Variants in MAGEB2 observed in about 807,000 individuals in gnomAD.
The protein encoded by MAGEB2 is melanoma-associated antigen B2.
For missense variants in MAGEB2, 365 were observed against 243.2 expected, an observed-to-expected ratio of 1.50 and a Z score of -3.33; for synonymous variants, 107 against 96.2, an observed-to-expected ratio of 1.11 and a Z score of -0.66.
chrX:30,217,878 C>A (rs1288776348), intron 1 of MAGEB2, among the ~76,000 whole-genome samples: 2 of 112,094 alleles, frequency 1.8e-5, no homozygotes, highest in Non-Finnish European at 3.8e-5. Context: ...ATTTTCAGCC[C>A]TAGAAAGCTC....
chrX:30,215,811 G>A (rs1924381175), intron 1 of MAGEB2, among the ~76,000 whole-genome samples, 156 bp downstream of exon 1: 1 of 97,595 alleles, frequency 1.0e-5, no homozygotes, highest in Non-Finnish European at 2.1e-5. Flanking sequence ...AGGGTGGGGG[G>A]AGGGGCAGTC....
At position 30,219,167 on chromosome X, in the gene MAGEB2, G is replaced by C. The variant is rs748764119; in HGVS notation, c.587G>C (p.Trp196Ser). ...LTDEESLLSS[W>S]DFPRRKLLMP... ...GATGAGGAATCCCTGCTCAGTTCCT[G>C]GGACTTTCCCAGGAGAAAGCTTCTG... is the stretch of plus-strand genomic sequence containing the variant. Residue 196 changes from tryptophan (W) to serine (S), a missense_variant, in exon 2 of 2, where the codon TGG (tryptophan) becomes TCG (serine). Physicochemically the swap from Trp to Ser is radical, Grantham distance 177. Transcript: ENST00000378988. The C allele has an allele frequency of 1.7e-6, 2 of 1,210,769 alleles. No individual in the cohort carries two copies. Among genetic ancestry groups the C allele is most frequent in the East Asian group, 5.9e-5 (2 of 33,801 alleles).
At position 30,218,633 on chromosome X, in the gene MAGEB2, C is replaced by T; in HGVS notation, c.53C>T (p.Ala18Val). 8 of 1,211,088 alleles carry T rather than the reference C, an allele frequency of 6.6e-6. No individual in the cohort carries two copies. The highest frequency in any genetic ancestry group is 8.9e-6 in the Non-Finnish European group (8 of 895,154). The change falls in exon 2 of 2, where the codon GCC becomes GTC. Residue 18 changes from alanine (A) to valine (V), a missense_variant. Transcript: ENST00000378988. The stretch of plus-strand genomic sequence containing the variant: ...CGTGCCCGTGAGAAACGCCGCAAGG[C>T]CCGAGATGAGACCCGGGGTCTCAAT... ...KLRAREKRRK[A>V]RDETRGLNVP...
intron 1 of MAGEB2, among the ~76,000 whole-genome samples, chrX:30,216,260 A>G (rs772974183): frequency 3.6e-5 from 4 of 111,900 alleles, no homozygotes; most frequent in Non-Finnish European, 7.5e-5. Flanking sequence ...AAAGAAGTTG[A>G]GGGCTACATC....
intron 1 of MAGEB2, among the ~76,000 whole-genome samples, chrX:30,216,088 C>T (rs749754445): frequency 9.0e-6 from 1 of 110,579 alleles, no homozygotes; most frequent in South Asian, 4.0e-4. Flanking sequence ...CAACCTAAAA[C>T]CTAACTGGGG....
chrX:30,218,933 T>C lies in MAGEB2; in HGVS notation c.353T>C (p.Leu118Ser), dbSNP rs1039947944. 2.5e-6 allele frequency: 3 copies of C among 1,210,829 alleles called. No homozygotes were observed. The highest frequency in any genetic ancestry group is 3.4e-6 in the Non-Finnish European group (3 of 894,858). The change falls in exon 2 of 2, where the codon TTG (leucine) becomes TCG (serine). Residue 118 changes from leucine (L) to serine (S), a missense_variant. By Grantham distance (145) the Leu-to-Ser change is moderately radical. Coordinates refer to ENST00000378988, the MANE Select transcript of MAGEB2 (RefSeq NM_002364.5). ...EDPLTRKSGS[L>S]VQFLLYKYKI... Reference sequence around the variant, plus strand: ...CCTCTAACCAGGAAGTCAGGGTCGTTGGTGCAGTTCCTGTTGTACAAGTAT... The same window carrying C: ...CCTCTAACCAGGAAGTCAGGGTCGTCGGTGCAGTTCCTGTTGTACAAGTAT...
rs1266658935 is a variant in MAGEB2, at chrX:30,218,757, C to T, written c.177C>T (p.Pro59=). The change falls in exon 2 of 2, where the codon CCC becomes CCT. Residue 59 remains proline, a synonymous_variant. Transcript: ENST00000378988. ...CAAGCTCTCCTGCTGCTGGCATTCC[C>T]CAGGAGCCTCAGAGAGCCCCAACCA... The part of the protein sequence containing the change: ...AASSSPAAGI[P]QEPQRAPTTA... 8.4e-7 allele frequency: 1 copy of T among 1,191,564 alleles called. No individual in the cohort carries two copies. The highest frequency in any genetic ancestry group is 1.8e-5 in the African/African-American group (1 of 56,668).
At position 30,219,349 on chromosome X, in the gene MAGEB2, T is replaced by TA; in HGVS notation, c.770dup (p.Tyr257Ter). The TA allele has an allele frequency of 8.3e-7, 1 of 1,211,056 alleles. No homozygotes were observed. The highest frequency in any genetic ancestry group is 1.1e-6 in the Non-Finnish European group (1 of 895,283). The change falls in exon 2 of 2, where the codon TAT (tyrosine) becomes TAAT (stop). Residue 257 changes from tyrosine to a stop codon, truncating the protein, a stop_gained and frameshift_variant. Coordinates refer to ENST00000378988, the MANE Select transcript of MAGEB2 (RefSeq NM_002364.5). LOFTEE classifies it low-confidence loss of function (END_TRUNC). ...LITKDLVQEK[Y>*]LEYKQVPSSD... ...CACCAAAGATCTGGTGCAGGAAAAA[T>TA]ATCTGGAGTACAAGCAGGTGCCCAG...
Position 30,219,152 on chromosome X carries a change from C to T in MAGEB2, c.572C>T (p.Ser191Phe), listed in dbSNP as rs1246993608. ...IDKVDLTDEE[S>F]LLSSWDFPRR... The stretch of plus-strand genomic sequence containing the variant: ...AAGGTAGACCTCACTGATGAGGAAT[C>T]CCTGCTCAGTTCCTGGGACTTTCCC... The change falls in exon 2 of 2, where the codon TCC becomes TTC. Residue 191 changes from serine to phenylalanine, a missense_variant. By Grantham distance (155) the Ser-to-Phe change is radical. Coordinates refer to ENST00000378988, the MANE Select transcript of MAGEB2 (RefSeq NM_002364.5). 1 of 1,210,612 alleles carries T rather than the reference C, an allele frequency of 8.3e-7. No homozygotes were observed. The highest frequency in any genetic ancestry group is 2.2e-5 in the Admixed American group (1 of 45,993).
At chrX:30,216,863 C>T (rs1203561923) in intron 1 of MAGEB2, among the ~76,000 whole-genome samples, 2 of 85,983 alleles carry the variant, frequency 2.3e-5, no homozygotes, top group Admixed American at 1.4e-4. Context: ...CCGGCCTAGG[C>T]GAAAGGGCGA....
At position 30,219,168 on chromosome X, in the gene MAGEB2, G is replaced by A. The variant is rs770996632; in HGVS notation, c.588G>A (p.Trp196Ter). The change falls in exon 2 of 2, where the codon TGG becomes TGA. Residue 196 changes from tryptophan (W) to a stop codon, truncating the protein, a stop_gained. Transcript: ENST00000378988. LOFTEE classifies it low-confidence loss of function (END_TRUNC). ...ATGAGGAATCCCTGCTCAGTTCCTG[G>A]GACTTTCCCAGGAGAAAGCTTCTGA... ...LTDEESLLSS[W>*]DFPRRKLLMP... is the part of the protein sequence containing the mutation. 3 of 1,210,621 alleles carry A rather than the reference G, an allele frequency of 2.5e-6. No homozygotes were observed. In the Admixed American group the frequency reaches 6.5e-5, roughly 26 times the overall value.
In MAGEB2 at chrX:30,219,650, T is replaced by A; in HGVS notation, c.*110T>A. ...TGAGGTCTTAGGCAGATTCTTTACT[T>A]TGTAATTCAAAAGGCCTGTTAACCT... On this transcript the variant is annotated 3_prime_UTR_variant, in exon 2 of 2. Transcript: ENST00000378988. 1.4e-6 allele frequency: 1 copy of A among 711,989 alleles called. No homozygotes were observed. Among genetic ancestry groups the A allele is most frequent in the Non-Finnish European group, 2.0e-6 (1 of 495,121 alleles). The allele number at this position is 711,989 out of a possible 1,213,427, so 58.7% of individuals were successfully genotyped here.
At position 30,216,907 on chromosome X, in the gene MAGEB2, C is replaced by T. The variant is rs190651609; in HGVS notation, c.-6+1252C>T. Among the ~76,000 whole-genome samples, 28 of 73,138 alleles carry T rather than the reference C, an allele frequency of 3.8e-4. No individual in the cohort carries two copies. In the East Asian group the frequency reaches 7.1e-3, roughly 19 times the overall value. 63.5% of individuals were successfully genotyped at this position (73,138 alleles called of 115,157 possible). ...CTCTTAAAAAAAAAAAAAAAAAAGG[C>T]AGCTTGAGGTCAGCAGAGGGAGGGT... is the stretch of plus-strand genomic sequence containing the variant. On this transcript the variant is annotated intron_variant, in intron 1 of 1. Transcript: ENST00000378988.
In MAGEB2 at chrX:30,219,691, A is replaced by C. The variant is rs1924516884; in HGVS notation, c.*151A>C. The C allele has an allele frequency of 2.3e-6, 1 of 436,259 alleles. No individual in the cohort carries two copies. 36.0% of individuals were successfully genotyped at this position (436,259 alleles called of 1,213,427 possible). On this transcript the variant is annotated 3_prime_UTR_variant, in exon 2 of 2. Transcript: ENST00000378988. ...CTGTTAACCTTTGTTCTTGTTATGC[A>C]TGAATAACTTGTTGACTTTTTTTTT...
chrX:30,216,103 G>A (rs1478343307), intron 1 of MAGEB2, among the ~76,000 whole-genome samples: 2 of 111,374 alleles, frequency 1.8e-5, no homozygotes, highest in Non-Finnish European at 3.8e-5. Context: ...CTGGGGTTAA[G>A]GTGAGGACTC....
Position 30,219,848 on chromosome X carries a change from CTTA to C in MAGEB2, c.*312_*314del, listed in dbSNP as rs1924523424. ...GTGTTTTGTTTTTTGAGTGAAACAA[CTTA>C]TTAATAAAAATCCTTAAATCACTTT... is the stretch of plus-strand genomic sequence containing the variant. On this transcript the variant is annotated 3_prime_UTR_variant, in exon 2 of 2. Coordinates refer to ENST00000378988, the MANE Select transcript of MAGEB2 (RefSeq NM_002364.5). The C allele has an allele frequency of 5.4e-6, 1 of 183,772 alleles. No individual in the cohort carries two copies. The highest frequency in any genetic ancestry group is 1.1e-5 in the Non-Finnish European group (1 of 92,559). The allele number at this position is 183,772 out of a possible 1,213,427, so 15.1% of individuals were successfully genotyped here.
rs1313737179 is a variant in MAGEB2, at chrX:30,219,460, A to G, written c.880A>G (p.Lys294Glu). The G allele has an allele frequency of 2.5e-6, 3 of 1,211,466 alleles. No individual in the cohort carries two copies. Among genetic ancestry groups the G allele is most frequent in the Non-Finnish European group, 3.4e-6 (3 of 895,061 alleles). ...SKMKVLEFLA[K>E]VNGTTPCAFP... Reference sequence around the variant, plus strand: ...GATGAAAGTCCTGGAGTTTTTGGCCAAGGTAAATGGTACCACCCCCTGTGC... The same window carrying G: ...GATGAAAGTCCTGGAGTTTTTGGCCGAGGTAAATGGTACCACCCCCTGTGC... Residue 294 changes from lysine (K) to glutamate (E), a missense_variant, in exon 2 of 2, where the codon AAG (lysine) becomes GAG (glutamate). Transcript: ENST00000378988.
rs778590723 is a variant in MAGEB2, at chrX:30,219,430, A to G, written c.850A>G (p.Ser284Gly). Residue 284 changes from serine to glycine, a missense_variant, in exon 2 of 2, where the codon AGC becomes GGC. Ser to Gly is a moderately conservative substitution (Grantham distance 56). Transcript: ENST00000378988. ...LWGPRAYAET[S>G]KMKVLEFLAK... ...GGGTCCGAGAGCCTATGCTGAAACCAGCAAGATGAAAGTCCTGGAGTTTTT... is the reference window on the plus strand; with the variant it reads ...GGGTCCGAGAGCCTATGCTGAAACCGGCAAGATGAAAGTCCTGGAGTTTTT... 8.3e-7 allele frequency: 1 copy of G among 1,211,917 alleles called. No individual in the cohort carries two copies. Among genetic ancestry groups the G allele is most frequent in the East Asian group, 3.0e-5 (1 of 33,852 alleles).
rs757043954 is a variant in MAGEB2, at chrX:30,218,698, T to A, written c.118T>A (p.Cys40Ser). ...VTEAEEEEAPCCSSSVSGGAA... is the reference protein window; with the variant it reads ...VTEAEEEEAPSCSSSVSGGAA... ...TGAAGCAGAGGAAGAAGAGGCCCCC[T>A]GCTGTTCCTCTTCTGTTTCTGGGGG... is the stretch of plus-strand genomic sequence containing the variant. Residue 40 changes from cysteine to serine, a missense_variant, in exon 2 of 2, where the codon TGC becomes AGC. Physicochemically the swap from Cys to Ser is moderately radical, Grantham distance 112 (BLOSUM62 -1). Transcript: ENST00000378988. 116 of 1,204,082 alleles carry A rather than the reference T, an allele frequency of 9.6e-5. No homozygotes were observed. Among genetic ancestry groups the A allele is most frequent in the Non-Finnish European group, 1.3e-4 (116 of 891,497 alleles).
Sources: allele counts gnomAD v4.1 joint callset (sites outside exome capture counted in the v4.1 genomes callset), GRCh38; gene constraint gnomAD v4.1.1; transcripts MANE v1.5; gene names NCBI Gene and HGNC (gene_info 2026-07-23, HGNC 2026-07-21).